Variants in PARM1 observed in about 807,000 individuals in gnomAD.
PARM1 encodes the protein prostate androgen-regulated mucin-like protein 1.
PARM1 carries 14 observed loss-of-function variants against 24.6 expected under a neutral mutation model. The ratio of observed to expected loss-of-function variants is 0.57; its 90% CI spans 0.38 to 0.89. The LOEUF (loss-of-function observed/expected upper bound fraction) is 0.89. Among genes scored for constraint, PARM1 ranks in the 40% least tolerant of loss-of-function variants. The probability of loss-of-function intolerance (pLI) is 0.00; values close to 1 mark genes in which losing one functional copy is unlikely to be tolerated. For missense variants in PARM1, 362 were observed against 380.4 expected, an observed-to-expected ratio of 0.95 and a Z score of 0.40; for synonymous variants, 179 against 156.6, an observed-to-expected ratio of 1.14 and a Z score of -1.07.
chr4:75,026,167 T>TGGATTTC (rs1723179578), intron 2 of PARM1, among the ~76,000 whole-genome samples: 1 of 152,216 alleles, frequency 6.6e-6, no homozygotes, highest in African/African-American at 2.4e-5. Context: ...TTTTGCAACA[T>TGGATTTC]AACTACTAAT....
At chr4:75,009,901 A>G (rs547127104) in intron 1 of PARM1, among the ~76,000 whole-genome samples, 1 of 152,308 alleles carries the variant, frequency 6.6e-6, no homozygotes, top group East Asian at 1.9e-4. Flanking sequence ...TCAGGAAAAC[A>G]CTTCTCTTAT....
intron 1 of PARM1, among the ~76,000 whole-genome samples, chr4:74,988,794 A>G (rs1279338648): frequency 3.9e-5 from 6 of 152,206 alleles, no homozygotes; most frequent in African/African-American, 1.2e-4. Context: ...TAAAGTCCCA[A>G]TTCATAGATT....
intron 1 of PARM1, among the ~76,000 whole-genome samples, chr4:74,980,998 C>T (rs1035830198): frequency 6.6e-6 from 1 of 152,146 alleles, no homozygotes; most frequent in Non-Finnish European, 1.5e-5. Flanking sequence ...AAACCCCAAA[C>T]TATAAACACC....
At chr4:75,040,066 G>A (rs1723451230) in intron 3 of PARM1, among the ~76,000 whole-genome samples, 1 of 152,176 alleles carries the variant, frequency 6.6e-6, no homozygotes, top group Admixed American at 6.5e-5. Context: ...GTCCTTGGCA[G>A]TACCTGACGT....
intron 1 of PARM1, among the ~76,000 whole-genome samples, chr4:75,012,143 T>C (rs1722881999): frequency 6.6e-6 from 1 of 152,118 alleles, no homozygotes; most frequent in South Asian, 2.1e-4. Context: ...TTTAAGCAAG[T>C]TGGGGACAAG....
At chr4:75,035,366 C>T (rs17000114) in intron 3 of PARM1, among the ~76,000 whole-genome samples, 26,150 of 152,144 alleles carry the variant, frequency 0.17, 4,199 homozygotes, top group African/African-American at 0.43. Flanking sequence ...GTGCTTGATA[C>T]ATTGAACAAA....
intron 2 of PARM1, among the ~76,000 whole-genome samples, chr4:75,013,871 A>C (rs1022433223): frequency 5.3e-5 from 8 of 152,194 alleles, no homozygotes; most frequent in African/African-American, 1.4e-4. Flanking sequence ...GGTGGAGAGA[A>C]ATCAAGGGCC....
intron 2 of PARM1, among the ~76,000 whole-genome samples, chr4:75,030,796 C>T (rs990241688): frequency 5.3e-5 from 8 of 152,238 alleles, no homozygotes; most frequent in Admixed American, 2.6e-4. Flanking sequence ...GTGGACTGCC[C>T]GTCAGTGTCC....
At chr4:74,947,922 A>C (rs1218090765) in intron 1 of PARM1, among the ~76,000 whole-genome samples, 2 of 152,244 alleles carry the variant, frequency 1.3e-5, no homozygotes, top group Non-Finnish European at 2.9e-5. Flanking sequence ...GAACAAAAAA[A>C]GGAGGTGCCT....
At chr4:74,996,662 C>T (rs1428243705) in intron 1 of PARM1, among the ~76,000 whole-genome samples, 1 of 152,168 alleles carries the variant, frequency 6.6e-6, no homozygotes, top group Non-Finnish European at 1.5e-5. Flanking sequence ...TTTTACCACT[C>T]TTCTCTTAGG....
At chr4:75,034,074 T>C in intron 3 of PARM1, 113 bp downstream of exon 3, 1 of 830,202 alleles carries the variant, frequency 1.2e-6, no homozygotes, top group Admixed American at 2.5e-5. Flanking sequence ...CTTAGAAATA[T>C]TGGCAGAGAA....
Position 75,012,615 on chromosome 4 carries a change from T to C in PARM1, c.234T>C (p.Pro78=), listed in dbSNP as rs759175153. The C allele has an allele frequency of 1.2e-5, 19 of 1,613,976 alleles. No homozygotes were observed. Among genetic ancestry groups the C allele is most frequent in the Non-Finnish European group, 1.5e-5 (18 of 1,179,884 alleles). ...VTASAPTSLL[P]KNISIESREE... ...CATCAGCCCCAACATCTCTGCTTCC[T>C]AAGAACATTTCCATAGAGTCCAGAG... The change falls in exon 2 of 4, where the codon CCT becomes CCC. Residue 78 remains proline (P), a synonymous_variant. Transcript: ENST00000307428.
intron 3 of PARM1, among the ~76,000 whole-genome samples, chr4:75,042,947 G>GA (rs34290460): frequency 0.042 from 5,653 of 133,932 alleles, 340 homozygotes; most frequent in African/African-American, 0.14. Context: ...TAATGGGAAG[G>GA]AAAAAAAAAA....
chr4:74,985,349 C>T (rs1410376069), intron 1 of PARM1, among the ~76,000 whole-genome samples: 2 of 152,178 alleles, frequency 1.3e-5, no homozygotes, highest in Non-Finnish European at 2.9e-5. Context: ...AATGGCTCAG[C>T]ATCATAGGAC....
chr4:74,936,167 T>C lies in PARM1; in HGVS notation c.43+2797T>C, dbSNP rs138715798. On this transcript the variant is annotated intron_variant, in intron 1 of 3. Transcript: ENST00000307428. ...TATTTCTAAAAGGAGAGAGAAATCT[T>C]AGATGGTCTTCAGTTCTCTCAAGGT... Among the ~76,000 whole-genome samples the C allele has an allele frequency of 4.8e-3, 732 of 152,256 alleles. 3 individuals are homozygous for C. Among genetic ancestry groups the C allele is most frequent in the Non-Finnish European group, 7.3e-3 (498 of 68,014 alleles).
chr4:74,998,416 AAG>A (rs1722615280), intron 1 of PARM1, among the ~76,000 whole-genome samples: 1 of 152,220 alleles, frequency 6.6e-6, no homozygotes. Flanking sequence ...CTTCTTGCAC[AAG>A]AGACAAATTG....
chr4:74,986,721 G>C (rs1216511109), intron 1 of PARM1, among the ~76,000 whole-genome samples: 2 of 152,050 alleles, frequency 1.3e-5, no homozygotes, highest in Non-Finnish European at 2.9e-5. Flanking sequence ...ATCTGAAATT[G>C]TTTAAGCAAA....
rs968442030 is a variant in PARM1, at chr4:74,988,339, A to G, written c.44-24086A>G. 2.2e-4 allele frequency among the ~76,000 whole-genome samples: 33 copies of G among 152,230 alleles called. 1 individual carries two copies. The highest frequency in any genetic ancestry group is 1.5e-5 in the Non-Finnish European group (1 of 68,034). ...AGTTGTTTATACAATGGACACATTT[A>G]TGCAACTGTAAGAGAGATGGCCATG... is the stretch of plus-strand genomic sequence containing the variant. On this transcript the variant is annotated intron_variant, in intron 1 of 3. Transcript: ENST00000307428.
intron 1 of PARM1, among the ~76,000 whole-genome samples, chr4:74,949,802 A>G (rs1021849403): frequency 2.6e-5 from 4 of 151,796 alleles, no homozygotes; most frequent in Non-Finnish European, 5.9e-5. Context: ...GTGGCATCAA[A>G]TAGAGGCACT....
Sources: gnomAD v4.1 joint callset for allele counts (sites outside exome capture counted in the v4.1 genomes callset) on GRCh38, gnomAD v4.1.1 for gene constraint, MANE v1.5 for transcripts, NCBI Gene and HGNC (gene_info 2026-07-23, HGNC 2026-07-21) for gene names.